The following BICC1 variants were observed in gnomAD, a reference collection of about 807,000 sequenced individuals.
BICC1 encodes the protein protein bicaudal C homolog 1.
Under a neutral mutation model 111.0 loss-of-function variants are expected in BICC1, and 43 were observed. The ratio of observed to expected loss-of-function variants is 0.39; its 90% CI spans 0.30 to 0.50. The LOEUF is 0.50. BICC1 is among the 20% of genes least tolerant of loss of function. The pLI, the probability that BICC1 is intolerant of heterozygous loss-of-function variation, is 0.88. For missense variants in BICC1, 1,091 were observed against 1,203.2 expected, an observed-to-expected ratio of 0.91 and a Z score of 1.38; for synonymous variants, 467 against 434.4, an observed-to-expected ratio of 1.07 and a Z score of -0.93.
chr10:58,522,494 T>C (rs2132521237), intron 1 of BICC1, among the ~76,000 whole-genome samples: 1 of 152,230 alleles, frequency 6.6e-6, no homozygotes, highest in Middle Eastern at 3.4e-3. Context: ...ATAAACATGT[T>C]CTTTGAAACC....
At chr10:58,525,789 C>G (rs1842522993) in intron 1 of BICC1, among the ~76,000 whole-genome samples, 1 of 151,858 alleles carries the variant, frequency 6.6e-6, no homozygotes, top group South Asian at 2.1e-4. Context: ...TCCTAACAAC[C>G]ATTTTCATTT....
chr10:58,674,983 G>C (rs1830884184), intron 2 of BICC1, among the ~76,000 whole-genome samples: 1 of 152,194 alleles, frequency 6.6e-6, no homozygotes, highest in South Asian at 2.1e-4. Flanking sequence ...TTAACGACTT[G>C]TATGAGAAAA....
At chr10:58,803,617 T>C (rs1355450569) in intron 15 of BICC1, among the ~76,000 whole-genome samples, 2 of 152,170 alleles carry the variant, frequency 1.3e-5, no homozygotes, top group African/African-American at 4.8e-5. Flanking sequence ...TTCTATGTAA[T>C]GAAGATGATG....
At chr10:58,672,557 C>T (rs955015990) in intron 2 of BICC1, among the ~76,000 whole-genome samples, 7 of 152,092 alleles carry the variant, frequency 4.6e-5, no homozygotes, top group Non-Finnish European at 1.0e-4. Context: ...TATCATTGCA[C>T]TTTGTAAATT....
chr10:58,798,631 G>A (rs566597405), intron 11 of BICC1, 71 bp downstream of exon 11: 129 of 1,353,674 alleles, frequency 9.5e-5, no homozygotes, highest in Non-Finnish European at 1.1e-4. Flanking sequence ...TAAAATTTAC[G>A]AAGGGCTCAG....
At chr10:58,530,584 A>G (rs1028292035) in intron 1 of BICC1, among the ~76,000 whole-genome samples, 1 of 151,214 alleles carries the variant, frequency 6.6e-6, no homozygotes, top group African/African-American at 2.4e-5. Flanking sequence ...GTTGATACCT[A>G]TGCCGAACTG....
Position 58,749,728 on chromosome 10 carries a change from T to C in BICC1, c.308-35273T>C, listed in dbSNP as rs867763920. ...TGCCATTAAGTGCCCTCCAGACCCT[T>C]AGTTGAATAAATCAAGGATTGAAGA... On this transcript the variant is annotated intron_variant, in intron 3 of 20. Coordinates refer to ENST00000373886, the MANE Select transcript of BICC1 (RefSeq NM_001080512.3). Among the ~76,000 whole-genome samples the C allele has an allele frequency of 2.0e-5, 3 of 152,236 alleles. No individual in the cohort carries two copies. In the Middle Eastern group the frequency reaches 0.01, roughly 518 times the overall value.
At chr10:58,528,065 G>A (rs771479241) in intron 1 of BICC1, among the ~76,000 whole-genome samples, 6 of 151,960 alleles carry the variant, frequency 3.9e-5, no homozygotes, top group Non-Finnish European at 8.8e-5. Flanking sequence ...CCAGAGCTGT[G>A]AAAATATCTG....
intron 10 of BICC1, among the ~76,000 whole-genome samples, chr10:58,797,397 A>C (rs895308686): frequency 2.0e-5 from 3 of 152,110 alleles, no homozygotes; most frequent in African/African-American, 7.2e-5. Context: ...CTTGCTTTTA[A>C]CTTTTAAGAA....
rs138889861 is a variant in BICC1 at position 58,642,666 on chromosome 10, TTTATTATTATTATTATTATTATTATTA to T, written c.237+21795_237+21821del. ...CATATGCTCCTGACAATATGAACCA[TTTATTATTATTATTATTATTATTATTA>T]TTATTATTATTATTATTATTATTAT... On this transcript the variant is annotated intron_variant, in intron 2 of 20. Coordinates refer to ENST00000373886, the MANE Select transcript of BICC1 (RefSeq NM_001080512.3). 8.3e-3 allele frequency among the ~76,000 whole-genome samples: 1,226 copies of T among 148,230 alleles called. 15 individuals carry two copies. Among genetic ancestry groups the T allele is most frequent in the East Asian group, 0.028 (137 of 4,970 alleles).
At chr10:58,739,631 C>CTAT (rs1564585419) in intron 3 of BICC1, among the ~76,000 whole-genome samples, 3 of 151,936 alleles carry the variant, frequency 2.0e-5, no homozygotes, top group Admixed American at 6.6e-5. Flanking sequence ...TGTTCTTGAG[C>CTAT]TATTATAGAT....
chr10:58,746,251 T>A (rs1841834979), intron 3 of BICC1, among the ~76,000 whole-genome samples: 1 of 152,138 alleles, frequency 6.6e-6, no homozygotes, highest in Non-Finnish European at 1.5e-5. Flanking sequence ...CCTAACTACA[T>A]CAAATATTAC....
At chr10:58,671,611 A>G (rs7910029) in intron 2 of BICC1, among the ~76,000 whole-genome samples, 105,508 of 151,976 alleles carry the variant, frequency 0.69, 40,119 homozygotes, top group East Asian at 0.9. Context: ...GACAAATTGG[A>G]AATTAGGGTG....
At chr10:58,600,429 G>A (rs545570994) in intron 1 of BICC1, among the ~76,000 whole-genome samples, 23 of 152,108 alleles carry the variant, frequency 1.5e-4, no homozygotes, top group Middle Eastern at 3.2e-3. Flanking sequence ...AGCTGTACAC[G>A]ACTTACTGGA....
chr10:58,607,571 C>T (rs1441655424), intron 1 of BICC1, among the ~76,000 whole-genome samples: 2 of 151,900 alleles, frequency 1.3e-5, no homozygotes, highest in Non-Finnish European at 2.9e-5. Context: ...CTCCTCCTCC[C>T]CATTCTCTTT....
chr10:58,823,673 A>G, intron 20 of BICC1: 1 of 984,550 alleles, frequency 1.0e-6, no homozygotes, highest in Non-Finnish European at 1.2e-6. Context: ...GTTTGGCCTC[A>G]TTCCTTTTTT....
intron 3 of BICC1, among the ~76,000 whole-genome samples, chr10:58,764,122 G>T (rs1248111989): frequency 6.6e-6 from 1 of 152,146 alleles, no homozygotes; most frequent in African/African-American, 2.4e-5. Context: ...CATTTAATGA[G>T]TGAGGAAACT....
chr10:58,805,207 C>T (rs1159165520), intron 15 of BICC1, among the ~76,000 whole-genome samples: 1 of 152,054 alleles, frequency 6.6e-6, no homozygotes, highest in East Asian at 1.9e-4. Context: ...ATAGAAGAAT[C>T]ACTTGAACCC....
chr10:58,802,548 T>C (rs1332067245), intron 14 of BICC1, among the ~76,000 whole-genome samples: 6 of 152,216 alleles, frequency 3.9e-5, no homozygotes, highest in Non-Finnish European at 7.3e-5. Context: ...CTCAACAGAC[T>C]TTGAAGAATA....
Sources: gnomAD v4.1 joint callset for allele counts (sites outside exome capture counted in the v4.1 genomes callset) on GRCh38, gnomAD v4.1.1 for gene constraint, MANE v1.5 for transcripts, NCBI Gene and HGNC (gene_info 2026-07-23, HGNC 2026-07-21) for gene names.